GDPD4: variants seen among roughly 807,000 people sequenced by gnomAD.
GDPD4 encodes the protein glycerophosphodiester phosphodiesterase domain containing 4.
A neutral mutation model predicts 67.8 loss-of-function variants in GDPD4; 60 were observed. The observed-to-expected ratio is 0.88, with a 90% CI of 0.72 to 1.10. GDPD4 has a LOEUF of 1.10. Ranked by LOEUF, GDPD4 falls within the 50% of genes least tolerant of loss-of-function variation. The pLI is 0.00. For missense variants in GDPD4, 623 were observed against 613.9 expected (o/e 1.01, Z -0.16); for synonymous variants, 212 against 210.9 (o/e 1.00, Z -0.04).
chr11:77,262,210 A>T (rs1435260019), intron 10 of GDPD4, among the ~76,000 whole-genome samples: 2 of 152,188 alleles, frequency 1.3e-5, no homozygotes, highest in Non-Finnish European at 2.9e-5. Context: ...CAGAATCAGA[A>T]CCCTATACCT....
At chr11:77,247,573 G>A (rs1040487724) in intron 11 of GDPD4, among the ~76,000 whole-genome samples, 18 of 152,106 alleles carry the variant, frequency 1.2e-4, no homozygotes, top group African/African-American at 4.3e-4. Context: ...GTGATTGAAT[G>A]TTTTCAAAAA....
chr11:77,218,426 C>T (rs1204535615), intron 16 of GDPD4, among the ~76,000 whole-genome samples: 1 of 152,114 alleles, frequency 6.6e-6, no homozygotes, highest in African/African-American at 2.4e-5. Context: ...TTCTAGGGTA[C>T]ATGTGCACAA....
At chr11:77,246,095 G>A (rs1958779684) in intron 11 of GDPD4, among the ~76,000 whole-genome samples, 1 of 152,138 alleles carries the variant, frequency 6.6e-6, no homozygotes. Context: ...GGCCAGCCTG[G>A]GCAACATAGT....
intron 16 of GDPD4, among the ~76,000 whole-genome samples, chr11:77,220,896 C>T (rs1958211936): frequency 2.0e-5 from 3 of 152,160 alleles, no homozygotes; most frequent in Admixed American, 1.3e-4. Context: ...TGTTATTGGT[C>T]TATTCAGGGA....
At chr11:77,258,763 G>A (rs1308524039) in intron 10 of GDPD4, among the ~76,000 whole-genome samples, 1 of 152,128 alleles carries the variant, frequency 6.6e-6, no homozygotes, top group African/African-American at 2.4e-5. Flanking sequence ...TCACATTAGT[G>A]ATCGTGAAAG....
rs190558961 is a variant in GDPD4, at chr11:77,220,830, G to C, written c.1526-3516C>G. ...GTAGAATTCAGCTGTGAATCCGTCT[G>C]GTCCTGGACTTTTTTTGGTTGGTAG... On this transcript the variant is annotated intron_variant, in intron 16 of 16. Transcript: ENST00000315938. Among the ~76,000 whole-genome samples, 240 of 140,888 alleles carry C rather than the reference G, an allele frequency of 1.7e-3. 3 individuals are homozygous for C. The highest frequency in any genetic ancestry group is 5.6e-3 in the African/African-American group (232 of 41,168). 92.4% of individuals were successfully genotyped at this position (140,888 alleles called of 152,430 possible).
chr11:77,262,750 C>A (rs1490900008), intron 10 of GDPD4, among the ~76,000 whole-genome samples: 3 of 146,950 alleles, frequency 2.0e-5, no homozygotes, highest in Non-Finnish European at 4.5e-5. Flanking sequence ...CAGCCCACTC[C>A]AAAACCATTA....
chr11:77,243,664 G>T (rs1258676650), intron 13 of GDPD4, 30 bp downstream of exon 13: 1 of 1,586,210 alleles, frequency 6.3e-7, no homozygotes, highest in African/African-American at 1.3e-5. Flanking sequence ...AAGGCAATAT[G>T]TGCCAAGAGA....
chr11:77,222,590 T>A (rs4375461), intron 16 of GDPD4, among the ~76,000 whole-genome samples: 29,299 of 152,242 alleles, frequency 0.19, 3,747 homozygotes, highest in Non-Finnish European at 0.27. Context: ...AAGTTTCTGC[T>A]GAGAGATCCG....
chr11:77,285,482 C>T (rs996682671), intron 2 of GDPD4, among the ~76,000 whole-genome samples: 5 of 152,222 alleles, frequency 3.3e-5, no homozygotes, highest in Non-Finnish European at 7.3e-5. Context: ...TTCTTGAATG[C>T]AGCTGGCTCT....
rs57383008 is a variant in GDPD4, at chr11:77,267,235, T to C, written c.707+1222A>G. On this transcript the variant is annotated intron_variant, in intron 10 of 16. Transcript: ENST00000315938. The stretch of plus-strand genomic sequence containing the variant: ...CCGAAGAGTAACAGGTCATACCATA[T>C]AGCCCAGGTGTGTAGTAGGCTATGC... Among the ~76,000 whole-genome samples, 1,070 of 152,348 alleles carry C rather than the reference T, an allele frequency of 7.0e-3. 13 individuals carry two copies. Among genetic ancestry groups the C allele is most frequent in the African/African-American group, 0.024 (1,015 of 41,580 alleles).
intron 10 of GDPD4, among the ~76,000 whole-genome samples, chr11:77,266,823 C>T (rs1030891370): frequency 6.6e-6 from 1 of 152,130 alleles, no homozygotes; most frequent in Non-Finnish European, 1.5e-5. Context: ...TACAGCTGTA[C>T]AATGTAGTTG....
intron 5 of GDPD4, among the ~76,000 whole-genome samples, chr11:77,274,562 C>T (rs1565537201): frequency 6.6e-6 from 1 of 152,174 alleles, no homozygotes; most frequent in Non-Finnish European, 1.5e-5. Flanking sequence ...TGCCTTCCAC[C>T]GTGATTGTAT....
At chr11:77,275,965 C>T (rs1303999398) in intron 5 of GDPD4, among the ~76,000 whole-genome samples, 196 bp downstream of exon 5, 1 of 152,092 alleles carries the variant, frequency 6.6e-6, no homozygotes. Context: ...GGTTCAGCTC[C>T]CTCCATAAAT....
chr11:77,229,219 T>A lies in GDPD4; in HGVS notation c.1403A>T (p.Tyr468Phe). ...HPHFFMTPKF[Y>F]VFMWLLADII... ...ATCTGCAAGGAGCCACATGAACACA[T>A]AGAACTTTGGTGTCTGAAAAACATA... is the stretch of plus-strand genomic sequence containing the variant. Residue 468 changes from tyrosine (Y) to phenylalanine (F), a missense_variant, in exon 15 of 17, where the codon TAT becomes TTT. Physicochemically the swap from Tyr to Phe is conservative, Grantham distance 22 (BLOSUM62 3). Transcript: ENST00000315938. 2 of 1,602,884 alleles carry A rather than the reference T, an allele frequency of 1.2e-6. No homozygotes were observed. Among genetic ancestry groups the A allele is most frequent in the Non-Finnish European group, 1.7e-6 (2 of 1,174,198 alleles).
intron 11 of GDPD4, among the ~76,000 whole-genome samples, chr11:77,250,981 T>G (rs1442340314): frequency 1.3e-5 from 2 of 152,176 alleles, no homozygotes; most frequent in East Asian, 3.8e-4. Context: ...TCCTGCTTGC[T>G]TTTGGTTTCT....
intron 11 of GDPD4, among the ~76,000 whole-genome samples, chr11:77,246,130 T>A (rs990614217): frequency 1.3e-5 from 2 of 152,050 alleles, no homozygotes; most frequent in Non-Finnish European, 2.9e-5. Flanking sequence ...TACAAAAAAA[T>A]TTTAAAATAG....
At chr11:77,221,685 G>C (rs953752246) in intron 16 of GDPD4, among the ~76,000 whole-genome samples, 2 of 152,134 alleles carry the variant, frequency 1.3e-5, no homozygotes, top group African/African-American at 4.8e-5. Flanking sequence ...GTGCAATGTG[G>C]TGCTGAGAAG....
chr11:77,275,569 A>C (rs950089975), intron 5 of GDPD4, among the ~76,000 whole-genome samples: 1 of 152,076 alleles, frequency 6.6e-6, no homozygotes, highest in Admixed American at 6.5e-5. Flanking sequence ...GCAACTGTAC[A>C]TTTACCTAGA....
Sources: gnomAD v4.1 joint callset for allele counts (sites outside exome capture counted in the v4.1 genomes callset) on GRCh38, gnomAD v4.1.1 for gene constraint, MANE v1.5 for transcripts, NCBI Gene and HGNC (gene_info 2026-07-23, HGNC 2026-07-21) for gene names.